Variants in NTN1 observed in about 807,000 individuals in gnomAD.
NTN1 encodes the protein netrin-1.
NTN1 carries 11 observed loss-of-function variants against 54.2 expected under a neutral mutation model. The ratio of observed to expected loss-of-function variants is 0.20; its 90% CI spans 0.13 to 0.34. The LOEUF is 0.34. Among genes scored for constraint, NTN1 ranks in the 10% least tolerant of loss-of-function variants. The probability of loss-of-function intolerance (pLI) is 1.00; values close to 1 mark genes in which losing one functional copy is unlikely to be tolerated. For synonymous variants in NTN1, 371 were observed against 382.0 expected, an observed-to-expected ratio of 0.97 and a Z score of 0.33; for missense variants, 740 against 893.1, an observed-to-expected ratio of 0.83 and a Z score of 2.18.
At chr17:9,026,476 T>A (rs2091871318) in intron 2 of NTN1, among the ~76,000 whole-genome samples, 1 of 151,418 alleles carries the variant, frequency 6.6e-6, no homozygotes, top group South Asian at 2.1e-4. Context: ...CTCAGTGGAA[T>A]AACTAAATAC....
At chr17:9,205,679 A>C (rs1230666542) in intron 5 of NTN1, among the ~76,000 whole-genome samples, 1 of 152,222 alleles carries the variant, frequency 6.6e-6, no homozygotes, top group East Asian at 1.9e-4. Flanking sequence ...GTTAAGGGTC[A>C]GTACTCACTA....
chr17:9,237,341 C>A (rs1485863007), intron 6 of NTN1, among the ~76,000 whole-genome samples: 1 of 152,100 alleles, frequency 6.6e-6, no homozygotes, highest in Admixed American at 6.5e-5. Context: ...GGTCATAGGG[C>A]CCACCCTAAT....
At chr17:9,049,276 CTAGT>C (rs2091951758) in intron 2 of NTN1, among the ~76,000 whole-genome samples, 2 of 152,128 alleles carry the variant, frequency 1.3e-5, no homozygotes, top group African/African-American at 2.4e-5. Flanking sequence ...TTGCATAATG[CTAGT>C]TAGAGTACCT....
intron 5 of NTN1, chr17:9,183,471 C>A (rs1349024309): frequency 1.6e-5 from 6 of 383,452 alleles, no homozygotes; most frequent in South Asian, 1.2e-4. Context: ...CAAAGAGAGG[C>A]CGCAGACCGC....
intron 2 of NTN1, among the ~76,000 whole-genome samples, chr17:9,138,596 TG>T (rs2092288267): frequency 6.6e-6 from 1 of 152,186 alleles, no homozygotes; most frequent in Admixed American, 6.5e-5. Context: ...GGCATCTCCT[TG>T]TCCATCAATC....
intron 2 of NTN1, among the ~76,000 whole-genome samples, chr17:9,080,597 T>C (rs1258317666): frequency 6.6e-6 from 1 of 152,240 alleles, no homozygotes; most frequent in Non-Finnish European, 1.5e-5. Context: ...TAAGGATTGG[T>C]TGGTGGCTGG....
At chr17:9,152,057 CGG>C (rs2092329118) in intron 2 of NTN1, among the ~76,000 whole-genome samples, 1 of 151,968 alleles carries the variant, frequency 6.6e-6, no homozygotes, top group Non-Finnish European at 1.5e-5. Flanking sequence ...TGGCCCCCCG[CGG>C]GCCATGAGTG....
At chr17:9,235,723 C>T (rs1231323611) in intron 6 of NTN1, among the ~76,000 whole-genome samples, 1 of 146,140 alleles carries the variant, frequency 6.8e-6, no homozygotes, top group Non-Finnish European at 1.5e-5. Context: ...TAGCTGCAGC[C>T]TCTTCTTCTT....
intron 2 of NTN1, among the ~76,000 whole-genome samples, chr17:9,142,109 A>T (rs1046088907): frequency 6.6e-6 from 1 of 152,048 alleles, no homozygotes; most frequent in South Asian, 2.1e-4. Flanking sequence ...GCTGGGCGAC[A>T]GAGCGAGACT....
At chr17:9,042,991 T>C (rs984291636) in intron 2 of NTN1, among the ~76,000 whole-genome samples, 1 of 152,222 alleles carries the variant, frequency 6.6e-6, no homozygotes, top group Non-Finnish European at 1.5e-5. Flanking sequence ...TTTTTGAAAG[T>C]AGTTATTTGA....
At chr17:9,112,775 G>A (rs1231176208) in intron 2 of NTN1, among the ~76,000 whole-genome samples, 2 of 135,602 alleles carry the variant, frequency 1.5e-5, no homozygotes, top group Non-Finnish European at 3.1e-5. Flanking sequence ...GCAGTGAGCC[G>A]AGATCGCGCC....
chr17:9,116,447 G>A (rs2092212716), intron 2 of NTN1, among the ~76,000 whole-genome samples: 2 of 152,184 alleles, frequency 1.3e-5, no homozygotes, highest in Non-Finnish European at 2.9e-5. Flanking sequence ...GTGACCCGGG[G>A]AGGGGCAGCT....
the NTN1 span, among the ~76,000 whole-genome samples, chr17:9,012,580 C>G: frequency 1.3e-5 from 2 of 151,792 alleles, no homozygotes; most frequent in Non-Finnish European, 2.9e-5. Flanking sequence ...TTGCACGTGC[C>G]GTTCCCTCTG....
chr17:9,180,005 A>G, intron 4 of NTN1, 49 bp downstream of exon 4: 1 of 1,576,608 alleles, frequency 6.3e-7, no homozygotes, highest in South Asian at 1.2e-5. Flanking sequence ...TGTGGGGGAC[A>G]GTGAGCTTTT....
intron 2 of NTN1, among the ~76,000 whole-genome samples, 180 bp downstream of exon 2, chr17:9,023,571 G>T (rs932152393): frequency 6.6e-6 from 1 of 152,286 alleles, no homozygotes. Flanking sequence ...CGCTCGTGGT[G>T]GACGCCCGAA....
intron 6 of NTN1, among the ~76,000 whole-genome samples, chr17:9,228,976 CTG>C (rs531225049): frequency 2.6e-4 from 39 of 151,234 alleles, no homozygotes; most frequent in African/African-American, 7.8e-4. Flanking sequence ...GTGTTTACGA[CTG>C]AGACTGTGTG....
At chr17:9,005,380 G>C in the NTN1 span, among the ~76,000 whole-genome samples, 2 of 152,028 alleles carry the variant, frequency 1.3e-5, no homozygotes, top group African/African-American at 4.8e-5. Context: ...GGCAAACAGT[G>C]AATCTCGGAC....
At chr17:9,012,225 C>G in the NTN1 span, among the ~76,000 whole-genome samples, 7 of 152,086 alleles carry the variant, frequency 4.6e-5, no homozygotes, top group South Asian at 6.2e-4. Flanking sequence ...CTTAAACAAG[C>G]TCTGGGCCAG....
intron 2 of NTN1, among the ~76,000 whole-genome samples, chr17:9,066,979 C>T (rs1210432943): frequency 7.6e-6 from 1 of 131,954 alleles, no homozygotes; most frequent in Non-Finnish European, 1.5e-5. Context: ...CCAGCCTGGG[C>T]GACAGAGTGA....
Sources: gnomAD v4.1 joint callset for allele counts (sites outside exome capture counted in the v4.1 genomes callset) on GRCh38, gnomAD v4.1.1 for gene constraint, MANE v1.5 for transcripts, NCBI Gene and HGNC (gene_info 2026-07-23, HGNC 2026-07-21) for gene names.